NYAP2: variants seen among roughly 807,000 people sequenced by gnomAD.
NYAP2 encodes neuronal tyrosine-phosphorylated phosphoinositide-3-kinase adaptor 2.
A neutral mutation model predicts 50.4 loss-of-function variants in NYAP2; 23 were observed. The ratio of observed to expected loss-of-function variants is 0.46; its 90% CI spans 0.33 to 0.65. The LOEUF (loss-of-function observed/expected upper bound fraction) is 0.65, where lower values mean the gene tolerates loss of function less well. Ranked by LOEUF, NYAP2 falls within the 30% of genes least tolerant of loss-of-function variation. The pLI is 0.02. For missense variants in NYAP2, 885 were observed against 861.0 expected (o/e 1.03, Z -0.35); for synonymous variants, 394 against 365.2 (o/e 1.08, Z -0.90).
the NYAP2 span, among the ~76,000 whole-genome samples, chr2:225,674,204 G>A: frequency 6.6e-6 from 1 of 152,260 alleles, no homozygotes; most frequent in Admixed American, 6.5e-5. Context: ...GGGACTTGAA[G>A]ATAATGTAAC....
intron 4 of NYAP2, among the ~76,000 whole-genome samples, chr2:225,558,334 T>A (rs1458139603): frequency 2.0e-5 from 3 of 152,216 alleles, no homozygotes; most frequent in African/African-American, 7.2e-5. Flanking sequence ...GGTGTCAGCA[T>A]GTCTATATTT....
chr2:225,612,855 C>CACACCCAAGGTGTGTGA (rs1277985514), intron 5 of NYAP2, among the ~76,000 whole-genome samples: 1 of 149,958 alleles, frequency 6.7e-6, no homozygotes, highest in Non-Finnish European at 1.5e-5. Context: ...GACATCACAT[C>CACACCCAAGGTGTGTGA]TGGGTCTAGA....
rs74919965 is a variant in NYAP2, at chr2:225,492,189, G to A, written c.222-21182G>A. On this transcript the variant is annotated intron_variant, in intron 3 of 6. Coordinates refer to ENST00000636099, the Ensembl canonical transcript of NYAP2. ...GTGTCCTGGTGACTGTTCCTTTGCCGGTTGATTGTAGGAAGCATCTATGTC... is the reference window on the plus strand; with the variant it reads ...GTGTCCTGGTGACTGTTCCTTTGCCAGTTGATTGTAGGAAGCATCTATGTC... Among the ~76,000 whole-genome samples, 864 of 152,266 alleles carry A rather than the reference G, an allele frequency of 5.7e-3. 7 individuals are homozygous for A. Among genetic ancestry groups the A allele is most frequent in the African/African-American group, 0.02 (813 of 41,538 alleles).
intron 4 of NYAP2, among the ~76,000 whole-genome samples, chr2:225,533,949 C>G (rs776340304): frequency 6.6e-5 from 10 of 152,034 alleles, no homozygotes; most frequent in Non-Finnish European, 1.2e-4. Context: ...GGCAGGTTAT[C>G]CTATGTTTCT....
chr2:225,412,524 G>A (rs888285079), intron 3 of NYAP2, among the ~76,000 whole-genome samples: 1 of 151,770 alleles, frequency 6.6e-6, no homozygotes, highest in African/African-American at 2.4e-5. Context: ...ATGAATGAAA[G>A]ACTAAAAACT....
chr2:225,474,759 A>G lies in NYAP2; in HGVS notation c.222-38612A>G, dbSNP rs183672409. The stretch of plus-strand genomic sequence containing the variant: ...TATACAATCATGTCATCTGCAAACA[A>G]GGACAATTTGACTTCCTCTTTTCCT... On this transcript the variant is annotated intron_variant, in intron 3 of 6. Coordinates refer to ENST00000636099, the Ensembl canonical transcript of NYAP2. 7.6e-4 allele frequency among the ~76,000 whole-genome samples: 116 copies of G among 152,320 alleles called. 1 individual carries two copies. In the East Asian group the frequency reaches 0.02, roughly 26 times the overall value.
In NYAP2 at chr2:225,611,545, C is replaced by T. The variant is rs575767390; in HGVS notation, c.1619-15372C>T. Among the ~76,000 whole-genome samples the T allele has an allele frequency of 5.9e-5, 9 of 152,108 alleles. No homozygotes were observed. In the East Asian group the frequency reaches 1.6e-3, roughly 26 times the overall value. ...GCAAAACTAATCTAATCCACCCTCA[C>T]CCTCCCCTTTGCCATTTTTGAATCA... On this transcript the variant is annotated intron_variant, in intron 5 of 6. Transcript: ENST00000636099.
At chr2:225,443,169 C>T (rs551658803) in intron 3 of NYAP2, among the ~76,000 whole-genome samples, 1 of 152,238 alleles carries the variant, frequency 6.6e-6, no homozygotes, top group South Asian at 2.1e-4. Context: ...TGGGACACAG[C>T]CAAACCATAT....
intron 6 of NYAP2, among the ~76,000 whole-genome samples, chr2:225,631,637 T>C (rs1035969292): frequency 6.6e-6 from 1 of 152,200 alleles, no homozygotes; most frequent in African/African-American, 2.4e-5. Context: ...TCTACCCTTC[T>C]ACTACTTTTC....
intron 4 of NYAP2, among the ~76,000 whole-genome samples, chr2:225,530,355 C>G (rs997702516): frequency 6.6e-6 from 1 of 152,128 alleles, no homozygotes; most frequent in Non-Finnish European, 1.5e-5. Context: ...AGGCCTCCAC[C>G]CTCATCCAAA....
chr2:225,600,125 A>G (rs1367882467), intron 5 of NYAP2, among the ~76,000 whole-genome samples: 2 of 152,112 alleles, frequency 1.3e-5, no homozygotes, highest in Non-Finnish European at 2.9e-5. Flanking sequence ...GTTTTTCAGG[A>G]TAACTTGGTG....
chr2:225,580,530 C>A (rs1391397933), intron 4 of NYAP2, among the ~76,000 whole-genome samples: 1 of 152,160 alleles, frequency 6.6e-6, no homozygotes, highest in Non-Finnish European at 1.5e-5. Context: ...ACCTTCCCCT[C>A]AAAAAGCTGT....
intron 4 of NYAP2, among the ~76,000 whole-genome samples, chr2:225,524,936 T>C (rs1162440907): frequency 1.3e-5 from 2 of 152,108 alleles, no homozygotes; most frequent in Non-Finnish European, 2.9e-5. Context: ...CATATATAGA[T>C]ACTTTTCAAG....
chr2:225,578,499 G>C (rs768161576), intron 4 of NYAP2, among the ~76,000 whole-genome samples: 4 of 152,154 alleles, frequency 2.6e-5, no homozygotes, highest in Non-Finnish European at 5.9e-5. Context: ...CAGAAAATGG[G>C]TCAGATTTAA....
chr2:225,437,587 T>G lies in NYAP2; in HGVS notation c.221+28486T>G, dbSNP rs144512374. ...CACAATGCATGGTAGTATTTTGAAC[T>G]CATTTCAGAAAAGAAGGGCACCTCT... On this transcript the variant is annotated intron_variant, in intron 3 of 6. Coordinates refer to ENST00000636099, the Ensembl canonical transcript of NYAP2. Among the ~76,000 whole-genome samples the G allele has an allele frequency of 4.4e-4, 67 of 152,292 alleles. No individual in the cohort carries two copies. In the East Asian group the frequency reaches 8.1e-3, roughly 18 times the overall value.
At chr2:225,546,904 G>A (rs1333511174) in intron 4 of NYAP2, among the ~76,000 whole-genome samples, 1 of 152,102 alleles carries the variant, frequency 6.6e-6, no homozygotes, top group Non-Finnish European at 1.5e-5. Context: ...ATCAGCAGGT[G>A]ATAAATCCTT....
intron 3 of NYAP2, among the ~76,000 whole-genome samples, chr2:225,503,750 T>A (rs1223227563): frequency 6.6e-6 from 1 of 152,216 alleles, no homozygotes; most frequent in Non-Finnish European, 1.5e-5. Context: ...CCCTAAGCTC[T>A]AACATTCATA....
chr2:225,634,323 G>C (rs1343115215), intron 6 of NYAP2, among the ~76,000 whole-genome samples: 1 of 152,064 alleles, frequency 6.6e-6, no homozygotes, highest in Non-Finnish European at 1.5e-5. Context: ...GTACTTCAAG[G>C]GGCTCTTTGT....
At chr2:225,602,754 A>C (rs576575743) in intron 5 of NYAP2, among the ~76,000 whole-genome samples, 3 of 152,268 alleles carry the variant, frequency 2.0e-5, no homozygotes, top group Admixed American at 1.3e-4. Context: ...GTTGGTGAGA[A>C]TCATTTGACC....
Sources: gnomAD v4.1 joint callset for allele counts (sites outside exome capture counted in the v4.1 genomes callset) on GRCh38, gnomAD v4.1.1 for gene constraint, MANE v1.5 for transcripts, NCBI Gene and HGNC (gene_info 2026-07-23, HGNC 2026-07-21) for gene names.